The following DCC variants were observed in gnomAD, a reference collection of about 807,000 sequenced individuals.
DCC encodes DCC netrin 1 receptor.
In DCC, 58 loss-of-function variants were observed where a neutral mutation model predicts 172.5. The observed-to-expected ratio is 0.34, with a 90% CI of 0.27 to 0.42. The LOEUF is 0.42. Ranked by LOEUF, DCC falls within the 10% of genes least tolerant of loss-of-function variation. The pLI, the probability that DCC is intolerant of heterozygous loss-of-function variation, is 1.00. For synonymous variants in DCC, 709 were observed against 644.5 expected (o/e 1.10, Z -1.52); for missense variants, 1,740 against 1,791.0 (o/e 0.97, Z 0.51).
chr18:53,367,930 A>C (rs2058023524), intron 15 of DCC, among the ~76,000 whole-genome samples: 1 of 152,142 alleles, frequency 6.6e-6, no homozygotes, highest in Admixed American at 6.6e-5. Context: ...TTAAGGTTTG[A>C]GAGTGTAATA....
intron 5 of DCC, among the ~76,000 whole-genome samples, chr18:52,983,002 C>T (rs2041235304): frequency 6.6e-6 from 1 of 152,164 alleles, no homozygotes; most frequent in South Asian, 2.1e-4. Context: ...TGGGAGAGTG[C>T]TGGTTTACAT....
rs75690191 is a variant in DCC at position 52,376,847 on chromosome 18, C to T, written c.91+35969C>T. ...GTAGTAGCAAAACAACATTCAAAGA[C>T]GCAAATGTGTAAAAGTTGAGGAAGG... On this transcript the variant is annotated intron_variant, in intron 1 of 28. Coordinates refer to ENST00000442544, the MANE Select transcript of DCC (RefSeq NM_005215.4). 1.3e-3 allele frequency among the ~76,000 whole-genome samples: 192 copies of T among 152,134 alleles called. 4 individuals carry two copies. The East Asian group carries it at 0.033, about 26-fold the overall frequency.
intron 1 of DCC, among the ~76,000 whole-genome samples, chr18:52,738,874 G>T (rs2036770321): frequency 6.9e-6 from 1 of 144,124 alleles, no homozygotes. Context: ...TAGGACTACA[G>T]GTGCACACTA....
At chr18:53,443,680 A>G (rs1367141472) in intron 22 of DCC, among the ~76,000 whole-genome samples, 1 of 152,228 alleles carries the variant, frequency 6.6e-6, no homozygotes, top group East Asian at 1.9e-4. Flanking sequence ...GTAAATTGAA[A>G]ACGTTTTGGA....
chr18:53,130,330 A>T (rs188014474), intron 7 of DCC, among the ~76,000 whole-genome samples: 76 of 152,266 alleles, frequency 5.0e-4, no homozygotes, highest in African/African-American at 1.7e-3. Flanking sequence ...AGAGAAAAAA[A>T]CACATCCTCT....
At chr18:53,307,382 A>G (rs1228895249) in intron 13 of DCC, among the ~76,000 whole-genome samples, 1 of 152,180 alleles carries the variant, frequency 6.6e-6, no homozygotes, top group Non-Finnish European at 1.5e-5. Context: ...GATATTTGGT[A>G]CAATATGACT....
chr18:53,142,248 A>G (rs2043842361), intron 7 of DCC, among the ~76,000 whole-genome samples: 1 of 152,218 alleles, frequency 6.6e-6, no homozygotes, highest in Admixed American at 6.5e-5. Flanking sequence ...GCTCTGGTGG[A>G]TGACACTTCT....
chr18:52,939,624 G>A (rs2040430852), intron 5 of DCC, among the ~76,000 whole-genome samples: 1 of 152,080 alleles, frequency 6.6e-6, no homozygotes, highest in Non-Finnish European at 1.5e-5. Context: ...ACAATGCCTT[G>A]ATTTCTCTTT....
chr18:53,468,326 C>A (rs1022731768), intron 25 of DCC, among the ~76,000 whole-genome samples: 51 of 93,808 alleles, frequency 5.4e-4, no homozygotes, highest in African/African-American at 1.7e-3. Context: ...TTCTAATAAT[C>A]ATCTCCATAG....
chr18:53,136,218 TATAC>T (rs1416589410), intron 7 of DCC, among the ~76,000 whole-genome samples: 3 of 151,810 alleles, frequency 2.0e-5, no homozygotes, highest in Non-Finnish European at 4.4e-5. Flanking sequence ...TCTATATATA[TATAC>T]ACACACACAC....
intron 1 of DCC, among the ~76,000 whole-genome samples, chr18:52,644,553 T>C (rs1309844191): frequency 7.7e-6 from 1 of 129,602 alleles, no homozygotes; most frequent in Non-Finnish European, 1.6e-5. Context: ...TACTCCAGCC[T>C]GGGCGACAGA....
chr18:53,325,893 C>T (rs1239945426), intron 14 of DCC, among the ~76,000 whole-genome samples: 1 of 152,098 alleles, frequency 6.6e-6, no homozygotes, highest in Non-Finnish European at 1.5e-5. Context: ...CATAAAAACA[C>T]GTAGAACTTG....
chr18:53,331,318 A>T (rs2057527829), intron 14 of DCC, among the ~76,000 whole-genome samples: 1 of 152,200 alleles, frequency 6.6e-6, no homozygotes, highest in Non-Finnish European at 1.5e-5. Flanking sequence ...CATTTAGCAT[A>T]CCACTTGGCA....
intron 1 of DCC, among the ~76,000 whole-genome samples, chr18:52,419,852 C>T (rs1987186127): frequency 6.6e-6 from 1 of 152,038 alleles, no homozygotes; most frequent in Non-Finnish European, 1.5e-5. Flanking sequence ...ATATTAGTTT[C>T]ATAAGAACAT....
chr18:52,437,155 TAGAA>T (rs1987822298), intron 1 of DCC, among the ~76,000 whole-genome samples: 1 of 152,174 alleles, frequency 6.6e-6, no homozygotes, highest in Non-Finnish European at 1.5e-5. Flanking sequence ...TTTTAAATAT[TAGAA>T]AGAAAAATGT....
intron 1 of DCC, among the ~76,000 whole-genome samples, chr18:52,659,963 G>A (rs770953486): frequency 8.5e-5 from 13 of 152,112 alleles, no homozygotes; most frequent in Non-Finnish European, 1.8e-4. Flanking sequence ...GAAACCCAAT[G>A]ATTAAGTGAT....
chr18:53,318,564 C>T (rs1383962116), intron 13 of DCC, among the ~76,000 whole-genome samples: 1 of 152,086 alleles, frequency 6.6e-6, no homozygotes, highest in East Asian at 1.9e-4. Context: ...ATTGATCTGT[C>T]TAATATTGAC....
At chr18:52,419,401 GT>G (rs1483514482) in intron 1 of DCC, 14 of 152,236 alleles carry the variant, frequency 9.2e-5, no homozygotes, top group Admixed American at 7.2e-4. Flanking sequence ...TAGAAAACAA[GT>G]TTTCATCCAG....
chr18:52,420,039 T>G (rs1031752441), intron 1 of DCC, among the ~76,000 whole-genome samples: 8 of 152,200 alleles, frequency 5.3e-5, no homozygotes, highest in Non-Finnish European at 8.8e-5. Flanking sequence ...GACAATGTAT[T>G]TAACCATTGT....
Sources: gnomAD v4.1 joint callset for allele counts (sites outside exome capture counted in the v4.1 genomes callset) on GRCh38, gnomAD v4.1.1 for gene constraint, MANE v1.5 for transcripts, NCBI Gene and HGNC (gene_info 2026-07-23, HGNC 2026-07-21) for gene names.